Variants in CACNA1C observed in about 807,000 individuals in gnomAD.
CACNA1C encodes the protein calcium voltage-gated channel subunit alpha1 C.
CACNA1C carries 30 observed loss-of-function variants against 229.0 expected under a neutral mutation model. The ratio of observed to expected loss-of-function variants is 0.13; its 90% CI spans 0.10 to 0.18. The LOEUF is 0.18. CACNA1C is among the 10% of genes least tolerant of loss of function. CACNA1C has a pLI of 1.00. For missense variants in CACNA1C, 1,658 were observed against 2,845.0 expected (o/e 0.58, Z 9.49); for synonymous variants, 1,114 against 1,132.5 (o/e 0.98, Z 0.33).
chr12:2,268,903 A>G (rs1406324567), intron 3 of CACNA1C, among the ~76,000 whole-genome samples: 1 of 152,142 alleles, frequency 6.6e-6, no homozygotes, highest in African/African-American at 2.4e-5. Flanking sequence ...TGGAAGACAG[A>G]CTCGGCCTTG....
intron 3 of CACNA1C, among the ~76,000 whole-genome samples, chr12:2,224,322 T>A (rs2062297721): frequency 6.6e-6 from 1 of 152,170 alleles, no homozygotes; most frequent in Admixed American, 6.5e-5. Context: ...TGCAAACGAG[T>A]CACACATCTG....
Position 2,034,961 on chromosome 12 carries a change from AGAG to A in CACNA1C, c.139+63764_139+63766del, listed in dbSNP as rs558359655. Reference sequence around the variant, plus strand: ...AGGAGCTGGCGAGGCGAGGGGGTGAAGAGGAGAAGGAGGTCTGGGCACTGGAAG... The same window carrying A: ...AGGAGCTGGCGAGGCGAGGGGGTGAAGAGAAGGAGGTCTGGGCACTGGAAG... On this transcript the variant is annotated intron_variant, in intron 1 of 46. Coordinates refer to the CACNA1C transcript ENST00000682462. The surrounding 1 kb of genome is among the most constrained non-coding windows in gnomAD (Gnocchi z 4.1). Among the ~76,000 whole-genome samples, 4 of 152,230 alleles carry A rather than the reference AGAG, an allele frequency of 2.6e-5. No individual in the cohort carries two copies. Among genetic ancestry groups the A allele is most frequent in the African/African-American group, 9.6e-5 (4 of 41,586 alleles).
chr12:2,367,668 C>G (rs900158221), intron 3 of CACNA1C, among the ~76,000 whole-genome samples: 2 of 151,744 alleles, frequency 1.3e-5, no homozygotes, highest in African/African-American at 4.8e-5. Context: ...GCAGCTGGTG[C>G]TATAAAATAC....
intron 5 of CACNA1C, among the ~76,000 whole-genome samples, chr12:2,459,167 GTGTT>G (rs1324724987): frequency 2.3e-4 from 23 of 100,164 alleles, no homozygotes; most frequent in African/African-American, 7.0e-4. Flanking sequence ...TTTTTTGTGT[GTGTT>G]TTTTTTTTTT....
chr12:2,449,176 A>G, intron 4 of CACNA1C, 61 bp downstream of exon 4: 1 of 1,309,934 alleles, frequency 7.6e-7, no homozygotes, highest in Non-Finnish European at 1.0e-6. Context: ...CTTTTCCTTA[A>G]GTCAGCTGAA....
intron 3 of CACNA1C, among the ~76,000 whole-genome samples, chr12:2,171,911 C>T (rs2096497063): frequency 6.6e-6 from 1 of 152,132 alleles, no homozygotes; most frequent in Non-Finnish European, 1.5e-5. Context: ...GGCCACTATG[C>T]ACAGAGGCAG....
Position 2,167,449 on chromosome 12 carries a change from G to A in CACNA1C, c.477+47019G>A, listed in dbSNP as rs180980613. On this transcript the variant is annotated intron_variant, in intron 3 of 46. Transcript: ENST00000399655. ...TATTCTAGACATTGTTGATGGTCTA[G>A]TGTAGAGACTATGGATTCTATTATG... is the stretch of plus-strand genomic sequence containing the variant. Among the ~76,000 whole-genome samples, 44 of 152,362 alleles carry A rather than the reference G, an allele frequency of 2.9e-4. No homozygotes were observed. The East Asian group carries it at 7.9e-3, about 27-fold the overall frequency.
intron 1 of CACNA1C, among the ~76,000 whole-genome samples, chr12:2,036,702 G>T (rs1373750024): frequency 6.6e-6 from 1 of 152,160 alleles, no homozygotes; most frequent in Non-Finnish European, 1.5e-5. Context: ...CTGACCTTGT[G>T]ATCTGCCCTC....
intron 3 of CACNA1C, among the ~76,000 whole-genome samples, chr12:2,371,191 A>T (rs796628214): frequency 2.6e-5 from 4 of 152,322 alleles, no homozygotes; most frequent in African/African-American, 9.6e-5. Context: ...AGGGAGAGGC[A>T]GGTTTTAGAG....
At position 2,585,789 on chromosome 12, in the gene CACNA1C, G is replaced by A; in HGVS notation, c.2461-46G>A. 2.2e-6 allele frequency: 3 copies of A among 1,391,230 alleles called. No individual in the cohort carries two copies. Among genetic ancestry groups the A allele is most frequent in the African/African-American group, 2.9e-5 (2 of 69,466 alleles). 86.2% of individuals were successfully genotyped at this position (1,391,230 alleles called of 1,614,324 possible). On this transcript the variant is annotated intron_variant, in intron 17 of 46. Transcript: ENST00000399655. This position sits in a 1 kb window ranked among gnomAD's most constrained non-coding sequence, Gnocchi z 4.1. ...GGCTACTGCAAGCCTCTTAACTTGG[G>A]GACGTATCTAACTATTCTTCCCCCT... is the stretch of plus-strand genomic sequence containing the variant.
intron 43 of CACNA1C, 71 bp downstream of exon 43, chr12:2,682,749 C>T (rs1603457770): frequency 7.3e-6 from 11 of 1,499,034 alleles, no homozygotes; most frequent in Non-Finnish European, 9.9e-6. Flanking sequence ...GAGGCAGGTC[C>T]CTGAGATCCC....
intron 30 of CACNA1C, among the ~76,000 whole-genome samples, chr12:2,642,998 C>CA (rs1241868042): frequency 1.3e-5 from 2 of 152,226 alleles, no homozygotes; most frequent in Non-Finnish European, 1.5e-5. Flanking sequence ...GCCAGTAGCA[C>CA]AGGGCATAGC....
chr12:2,551,885 A>C (rs748735794), intron 10 of CACNA1C, among the ~76,000 whole-genome samples: 1 of 152,134 alleles, frequency 6.6e-6, no homozygotes, highest in Non-Finnish European at 1.5e-5. Flanking sequence ...GCAGGAGCCC[A>C]GTTGGAGTGA....
intron 3 of CACNA1C, among the ~76,000 whole-genome samples, chr12:2,162,657 G>C (rs1200451237): frequency 6.6e-6 from 1 of 152,024 alleles, no homozygotes; most frequent in Non-Finnish European, 1.5e-5. Context: ...GGGGTGAACA[G>C]TAGGCCTGGG....
chr12:2,341,237 C>T (rs1239326717), intron 3 of CACNA1C, among the ~76,000 whole-genome samples: 1 of 152,142 alleles, frequency 6.6e-6, no homozygotes, highest in African/African-American at 2.4e-5. Context: ...GACTGGCAGG[C>T]GATCTGCAGA....
chr12:2,456,486 C>T (rs1182126602), intron 4 of CACNA1C, among the ~76,000 whole-genome samples: 3 of 152,312 alleles, frequency 2.0e-5, no homozygotes, highest in African/African-American at 7.2e-5. Flanking sequence ...ATTTCCTCTC[C>T]GACTTCCTCT....
chr12:2,337,878 C>G (rs958589433), intron 3 of CACNA1C, among the ~76,000 whole-genome samples: 5 of 152,182 alleles, frequency 3.3e-5, no homozygotes, highest in Non-Finnish European at 7.3e-5. Context: ...GACCACGCCT[C>G]CTCCTCTGAC....
At chr12:2,279,672 TC>T (rs1375933251) in intron 3 of CACNA1C, among the ~76,000 whole-genome samples, 10 of 152,340 alleles carry the variant, frequency 6.6e-5, no homozygotes, top group African/African-American at 2.2e-4. Context: ...GTATAGTTGG[TC>T]CTTTGTATTC....
chr12:2,502,363 G>A (rs1048619969), intron 7 of CACNA1C, among the ~76,000 whole-genome samples: 3 of 152,204 alleles, frequency 2.0e-5, no homozygotes, highest in African/African-American at 4.8e-5. Flanking sequence ...AACTGTCCTC[G>A]GGGAGCTCAC....
Sources: gnomAD v4.1 joint callset for allele counts (sites outside exome capture counted in the v4.1 genomes callset) on GRCh38, gnomAD v4.1.1 for gene constraint, Gnocchi (gnomAD v3.1) non-coding constraint, MANE v1.5 for transcripts, NCBI Gene and HGNC (gene_info 2026-07-23, HGNC 2026-07-21) for gene names.